Variants in LAMA2 observed in about 807,000 individuals in gnomAD.
The protein encoded by LAMA2 is laminin subunit alpha 2.
A neutral mutation model predicts 364.8 loss-of-function variants in LAMA2; 269 were observed. The observed-to-expected ratio is 0.74, with a 90% CI of 0.67 to 0.82. LAMA2 has a LOEUF of 0.82. Among genes scored for constraint, LAMA2 ranks in the 40% least tolerant of loss-of-function variants. The pLI, the probability that LAMA2 is intolerant of heterozygous loss-of-function variation, is 0.00. For missense variants in LAMA2, 3,807 were observed against 3,873.2 expected (o/e 0.98, Z 0.45); for synonymous variants, 1,379 against 1,370.6 (o/e 1.01, Z -0.14).
chr6:129,074,504 A>T (rs4585575), intron 3 of LAMA2, among the ~76,000 whole-genome samples: 72,282 of 152,008 alleles, frequency 0.48, 20,333 homozygotes, highest in East Asian at 0.81. Flanking sequence ...GCTTACCTTA[A>T]TTTGCTTCCC....
intron 4 of LAMA2, among the ~76,000 whole-genome samples, chr6:129,139,192 C>A (rs1478797): frequency 6.6e-6 from 1 of 152,004 alleles, no homozygotes; most frequent in East Asian, 1.9e-4. Context: ...AGACTCAGAG[C>A]CTTTACTCTG....
intron 1 of LAMA2, among the ~76,000 whole-genome samples, chr6:128,895,517 G>A (rs1000205444): frequency 6.6e-6 from 1 of 151,472 alleles, no homozygotes; most frequent in African/African-American, 2.4e-5. Context: ...GCGTGGTGGC[G>A]GGCGCTTGTA....
chr6:129,512,934 TCA>T (rs926607605), intron 63 of LAMA2, among the ~76,000 whole-genome samples: 1 of 152,144 alleles, frequency 6.6e-6, no homozygotes, highest in African/African-American at 2.4e-5. Flanking sequence ...AACTGACGCA[TCA>T]GTTTCTCAAT....
chr6:129,175,107 A>G (rs1349422176), intron 9 of LAMA2, among the ~76,000 whole-genome samples: 4 of 152,232 alleles, frequency 2.6e-5, no homozygotes, highest in East Asian at 3.8e-4. Context: ...TGGGTAATCT[A>G]TTAGAAACGA....
At chr6:129,197,832 G>A (rs567144879) in intron 12 of LAMA2, among the ~76,000 whole-genome samples, 9 of 152,070 alleles carry the variant, frequency 5.9e-5, no homozygotes, top group Non-Finnish European at 1.3e-4. Flanking sequence ...CACAAATGCA[G>A]GAGCTCAAGG....
intron 4 of LAMA2, among the ~76,000 whole-genome samples, chr6:129,140,200 T>C (rs1778043426): frequency 6.6e-6 from 1 of 152,118 alleles, no homozygotes; most frequent in African/African-American, 2.4e-5. Context: ...AAAATAAAAA[T>C]GCCATTGAGG....
intron 1 of LAMA2, among the ~76,000 whole-genome samples, chr6:128,919,271 C>T (rs553476523): frequency 1.3e-5 from 2 of 152,308 alleles, no homozygotes; most frequent in East Asian, 1.9e-4. Context: ...ATCAACTGTT[C>T]TCTCAATATC....
intron 28 of LAMA2, among the ~76,000 whole-genome samples, chr6:129,324,765 T>C (rs1450344771): frequency 6.6e-6 from 1 of 152,182 alleles, no homozygotes; most frequent in East Asian, 1.9e-4. Context: ...TATTTAAACA[T>C]AGCAAAGGTA....
chr6:129,323,632 T>C (rs545536359), intron 28 of LAMA2, among the ~76,000 whole-genome samples: 3 of 152,346 alleles, frequency 2.0e-5, no homozygotes, highest in Admixed American at 2.0e-4. Context: ...ATTTAACCTG[T>C]CTTTGAGTGA....
In LAMA2 at chr6:129,154,567, C is replaced by T. The variant is rs769086418; in HGVS notation, c.1090C>T (p.Leu364=). The change falls in exon 8 of 65, where the codon CTG becomes TTG. Residue 364 remains leucine (L), a synonymous_variant. Transcript: ENST00000421865. ...TGATGAAAATGTTGCCAGAAGAAAT[C>T]TGAGTTTGAATATACGTGGAAAGTA... ...YYDENVARRN[L]SLNIRGKYIG... is the part of the protein sequence containing the mutation. 1.2e-6 allele frequency: 2 copies of T among 1,613,870 alleles called. No individual in the cohort carries two copies. The highest frequency in any genetic ancestry group is 2.2e-5 in the South Asian group (2 of 91,078).
chr6:129,181,256 A>G (rs1780907164), intron 10 of LAMA2, among the ~76,000 whole-genome samples: 1 of 152,122 alleles, frequency 6.6e-6, no homozygotes, highest in Non-Finnish European at 1.5e-5. Flanking sequence ...TAAAGTACAC[A>G]AAAGGAAAAT....
intron 12 of LAMA2, among the ~76,000 whole-genome samples, chr6:129,239,820 A>G (rs1583318675): frequency 6.6e-6 from 1 of 152,118 alleles, no homozygotes; most frequent in African/African-American, 2.4e-5. Context: ...CTAGCTCCAG[A>G]TTTTAGAAGT....
intron 64 of LAMA2, among the ~76,000 whole-genome samples, chr6:129,515,120 G>C (rs1222225804): frequency 6.6e-6 from 1 of 152,132 alleles, no homozygotes; most frequent in Non-Finnish European, 1.5e-5. Flanking sequence ...TATAGCATGT[G>C]AACTGTAGAG....
chr6:128,969,204 T>C (rs188891876), intron 1 of LAMA2, among the ~76,000 whole-genome samples: 82 of 152,242 alleles, frequency 5.4e-4, no homozygotes, highest in Non-Finnish European at 1.1e-3. Context: ...CGGAAAACCA[T>C]TTCTTTTACC....
intron 12 of LAMA2, among the ~76,000 whole-genome samples, chr6:129,222,551 T>G (rs1313480830): frequency 7.0e-6 from 1 of 141,888 alleles, no homozygotes; most frequent in African/African-American, 2.6e-5. Context: ...GTCCAAGTGT[T>G]TTCATTGTTC....
At chr6:129,437,642 C>G (rs1781899403) in intron 41 of LAMA2, among the ~76,000 whole-genome samples, 1 of 151,814 alleles carries the variant, frequency 6.6e-6, no homozygotes, top group Admixed American at 6.6e-5. Context: ...TGTATCCAGT[C>G]AAGAGAGGTA....
intron 28 of LAMA2, among the ~76,000 whole-genome samples, chr6:129,322,228 T>C (rs1022961449): frequency 7.2e-5 from 11 of 152,240 alleles, no homozygotes; most frequent in Non-Finnish European, 1.3e-4. Context: ...ATCCATCTCC[T>C]TATTAAATTG....
intron 1 of LAMA2, among the ~76,000 whole-genome samples, chr6:128,897,141 T>C (rs117207904): frequency 0.016 from 2,406 of 152,352 alleles, 36 homozygotes; most frequent in Non-Finnish European, 0.023. Flanking sequence ...CACCTACCCA[T>C]GGCAGCGTGT....
chr6:129,030,219 A>G (rs575425384), intron 1 of LAMA2, among the ~76,000 whole-genome samples: 50 of 152,048 alleles, frequency 3.3e-4, no homozygotes, highest in Admixed American at 8.5e-4. Flanking sequence ...CCTTACTTTG[A>G]TTATTTTTTT....
Sources: allele counts gnomAD v4.1 joint callset (sites outside exome capture counted in the v4.1 genomes callset), GRCh38; gene constraint gnomAD v4.1.1; transcripts MANE v1.5; gene names NCBI Gene and HGNC (gene_info 2026-07-23, HGNC 2026-07-21).